MAMLD1: variants seen among roughly 807,000 people sequenced by gnomAD.
MAMLD1 encodes mastermind like domain containing 1.
In MAMLD1, 14 loss-of-function variants were observed where a neutral mutation model predicts 45.0. The ratio of observed to expected loss-of-function variants is 0.31; its 90% CI spans 0.21 to 0.49. The LOEUF (loss-of-function observed/expected upper bound fraction) is 0.49, where lower values mean the gene tolerates loss of function less well. Ranked by LOEUF, MAMLD1 falls within the 20% of genes least tolerant of loss-of-function variation. The pLI, the probability that MAMLD1 is intolerant of heterozygous loss-of-function variation, is 0.99. For missense variants in MAMLD1, 543 were observed against 603.6 expected, an observed-to-expected ratio of 0.90 and a Z score of 1.05; for synonymous variants, 254 against 247.8, an observed-to-expected ratio of 1.02 and a Z score of -0.24.
At chrX:150,501,804 A>G (rs1403072319) in intron 5 of MAMLD1, among the ~76,000 whole-genome samples, 1 of 112,293 alleles carries the variant, frequency 8.9e-6, no homozygotes, top group Non-Finnish European at 1.9e-5. Context: ...TTAAGTTTCT[A>G]TGTTTCAAAA....
rs1364931682 is a variant in MAMLD1, at chrX:150,470,898, A to T, written c.1325A>T (p.His442Leu). Residue 442 changes from histidine (H) to leucine (L), a missense_variant, in exon 4 of 8, where the codon CAC (histidine) becomes CTC (leucine). Transcript: ENST00000370401. ...MSSTIKTPQG[H>L]LMSALPASNP... ...TCTACCATCAAAACCCCTCAAGGAC[A>T]CCTGATGTCTGCTCTGCCTGCCAGC... 2.5e-6 allele frequency: 3 copies of T among 1,209,703 alleles called. No homozygotes were observed. In the African/African-American group the frequency reaches 5.3e-5, roughly 21 times the overall value.
At chrX:150,394,393 T>C (rs782795043) in intron 1 of MAMLD1, among the ~76,000 whole-genome samples, 1 of 110,227 alleles carries the variant, frequency 9.1e-6, no homozygotes, top group Non-Finnish European at 1.9e-5. Flanking sequence ...TTTGACTTTG[T>C]TCTTCTCTGT....
At chrX:150,474,690 C>A (rs1411134264) in intron 5 of MAMLD1, among the ~76,000 whole-genome samples, 2 of 111,886 alleles carry the variant, frequency 1.8e-5, no homozygotes, top group Non-Finnish European at 3.8e-5. Flanking sequence ...CAACTCCCAG[C>A]CTGATGGGAA....
intron 1 of MAMLD1, among the ~76,000 whole-genome samples, chrX:150,408,286 G>C (rs1389047751): frequency 9.0e-6 from 1 of 111,032 alleles, no homozygotes; most frequent in African/African-American, 3.3e-5. Flanking sequence ...TACTATATCT[G>C]GGGAAAATGA....
At chrX:150,379,127 A>G (rs782091320) in intron 1 of MAMLD1, among the ~76,000 whole-genome samples, 3 of 111,477 alleles carry the variant, frequency 2.7e-5, no homozygotes, top group Non-Finnish European at 5.7e-5. Flanking sequence ...CTATCTATCT[A>G]CCTGCCTACC....
At chrX:150,395,401 T>A (rs782408470) in intron 1 of MAMLD1, among the ~76,000 whole-genome samples, 1 of 111,878 alleles carries the variant, frequency 8.9e-6, no homozygotes, top group South Asian at 3.7e-4. Context: ...TCTTTCCTTG[T>A]AATGTCTTTG....
Position 150,512,812 on chromosome X carries a change from C to G in MAMLD1, c.*853C>G, listed in dbSNP as rs782353256. ...CCAGCCAGTTCCCAGGTCCGTTCGA[C>G]AGAACGGATATTCCCCCTGAGCTGC... On this transcript the variant is annotated 3_prime_UTR_variant, in exon 8 of 8. Transcript: ENST00000370401. 3 of 1,155,788 alleles carry G rather than the reference C, an allele frequency of 2.6e-6. No homozygotes were observed. The South Asian group carries it at 5.7e-5, about 22-fold the overall frequency.
intron 1 of MAMLD1, among the ~76,000 whole-genome samples, chrX:150,436,977 A>G (rs2035141654): frequency 9.3e-6 from 1 of 107,526 alleles, no homozygotes; most frequent in African/African-American, 3.4e-5. Flanking sequence ...TGTTTCTGGG[A>G]GATTTTAGTG....
chrX:150,485,183 T>C (rs1305672856), intron 5 of MAMLD1, among the ~76,000 whole-genome samples: 1 of 111,600 alleles, frequency 9.0e-6, no homozygotes, highest in East Asian at 2.8e-4. Context: ...CTGCCCGAGC[T>C]CATTGTCCAA....
intron 1 of MAMLD1, among the ~76,000 whole-genome samples, chrX:150,424,338 G>A (rs2034632007): frequency 8.9e-6 from 1 of 112,306 alleles, no homozygotes; most frequent in South Asian, 3.7e-4. Context: ...GATGAGAGGG[G>A]GGCATTTTTA....
chrX:150,509,829 G>A (rs2037847737), intron 6 of MAMLD1, 133 bp from the exon 7 acceptor site: 3 of 540,037 alleles, frequency 5.6e-6, no homozygotes, highest in South Asian at 5.0e-5. Flanking sequence ...GCATGCATGC[G>A]AGTGTATGCT....
chrX:150,379,763 C>T (rs1225530496), intron 1 of MAMLD1, among the ~76,000 whole-genome samples: 1 of 111,737 alleles, frequency 8.9e-6, no homozygotes. Flanking sequence ...TCCCATACCC[C>T]TTCCTTACAT....
intron 5 of MAMLD1, among the ~76,000 whole-genome samples, chrX:150,501,678 T>C (rs1361731929): frequency 2.7e-5 from 3 of 112,804 alleles, no homozygotes; most frequent in African/African-American, 9.7e-5. Context: ...GTTCAGGTAG[T>C]TAGGTTGTCT....
chrX:150,508,482 G>C (rs2037802346), intron 6 of MAMLD1, among the ~76,000 whole-genome samples: 1 of 111,726 alleles, frequency 9.0e-6, no homozygotes, highest in African/African-American at 3.3e-5. Flanking sequence ...GCAGGGACCA[G>C]GACAGGAAGC....
At chrX:150,377,145 A>G (rs781786352) in intron 1 of MAMLD1, among the ~76,000 whole-genome samples, 1 of 113,302 alleles carries the variant, frequency 8.8e-6, no homozygotes, top group African/African-American at 3.2e-5. Context: ...GTTCCCAGCC[A>G]TCCACTCCTC....
intron 1 of MAMLD1, among the ~76,000 whole-genome samples, chrX:150,398,320 GAAGAA>G (rs1569564590): frequency 2.2e-4 from 21 of 94,909 alleles, no homozygotes; most frequent in African/African-American, 7.4e-4. Flanking sequence ...AGAAGAAGAA[GAAGAA>G]GAAGAAGAAG....
chrX:150,369,449 A>G (rs1211173927), intron 1 of MAMLD1, among the ~76,000 whole-genome samples: 2 of 113,156 alleles, frequency 1.8e-5, no homozygotes, highest in African/African-American at 6.4e-5. Flanking sequence ...AAGGGCAAGG[A>G]TAAAAAGGAG....
chrX:150,450,629 G>A (rs1187191665), intron 2 of MAMLD1, among the ~76,000 whole-genome samples: 7 of 111,473 alleles, frequency 6.3e-5, no homozygotes, highest in African/African-American at 2.3e-4. Flanking sequence ...GGTTGTGCAC[G>A]TGTTCCAAAC....
At chrX:150,500,476 G>C (rs1334088430) in intron 5 of MAMLD1, among the ~76,000 whole-genome samples, 2 of 111,274 alleles carry the variant, frequency 1.8e-5, no homozygotes, top group African/African-American at 6.6e-5. Flanking sequence ...GGCTGACCTG[G>C]TTCCAGCAAA....
Sources: gnomAD v4.1 joint callset for allele counts (sites outside exome capture counted in the v4.1 genomes callset) on GRCh38, gnomAD v4.1.1 for gene constraint, MANE v1.5 for transcripts, NCBI Gene and HGNC (gene_info 2026-07-23, HGNC 2026-07-21) for gene names.